The following RAB11FIP4 variants were observed in gnomAD, a reference collection of about 807,000 sequenced individuals.
RAB11FIP4 encodes RAB11 family interacting protein 4, also known as rab11 family-interacting protein 4.
Under a neutral mutation model 74.3 loss-of-function variants are expected in RAB11FIP4, and 23 were observed. That is an observed-to-expected ratio of 0.31 (90% CI 0.22 to 0.44). The LOEUF (loss-of-function observed/expected upper bound fraction) is 0.44. Ranked by LOEUF, RAB11FIP4 falls within the 20% of genes least tolerant of loss-of-function variation. The pLI is 1.00. For missense variants in RAB11FIP4, 630 were observed against 863.9 expected (o/e 0.73, Z 3.39); for synonymous variants, 360 against 359.9 (o/e 1.00, Z 0.00).
rs531427698 is a variant in RAB11FIP4 at position 31,454,223 on chromosome 17, T to C, written c.336+20101T>C. Among the ~76,000 whole-genome samples the C allele has an allele frequency of 1.6e-3, 245 of 152,310 alleles. 2 individuals are homozygous for C. Among genetic ancestry groups the C allele is most frequent in the Non-Finnish European group, 4.9e-4 (33 of 68,026 alleles). ...TCAACCAGATCATTGCTACATTCCA[T>C]TTCCTGACCAGGAAAATGAAAATGG... is the stretch of plus-strand genomic sequence containing the variant. On this transcript the variant is annotated intron_variant, in intron 3 of 14. Coordinates refer to ENST00000621161, the MANE Select transcript of RAB11FIP4 (RefSeq NM_032932.6).
At chr17:31,466,859 G>C (rs1214086856) in intron 3 of RAB11FIP4, among the ~76,000 whole-genome samples, 1 of 152,150 alleles carries the variant, frequency 6.6e-6, no homozygotes, top group Non-Finnish European at 1.5e-5. Flanking sequence ...ACCACCTTGA[G>C]TCTCAAAAGC....
intron 3 of RAB11FIP4, among the ~76,000 whole-genome samples, chr17:31,510,040 G>A (rs2072423706): frequency 6.6e-6 from 1 of 152,194 alleles, no homozygotes; most frequent in Admixed American, 6.5e-5. Flanking sequence ...GCAGGAGTCC[G>A]TTACAGCCAA....
At position 31,521,180 on chromosome 17, in the gene RAB11FIP4, C is replaced by A; in HGVS notation, c.578C>A (p.Thr193Asn). The stretch of plus-strand genomic sequence containing the variant: ...CGGACCCTCAGGTCCCTGGTCCACA[C>A]TCCATCCATGACGACCTCAGACCTT... ...FLPEDKSLVH[T>N]PSMTTSDLST... The change falls in exon 5 of 15, where the codon ACT (threonine) becomes AAT (asparagine). Residue 193 changes from threonine to asparagine, a missense_variant. By Grantham distance (65) the Thr-to-Asn change is moderately conservative. Coordinates refer to ENST00000621161, the MANE Select transcript of RAB11FIP4 (RefSeq NM_032932.6). 1.2e-6 allele frequency: 2 copies of A among 1,600,344 alleles called. No homozygotes were observed. The highest frequency in any genetic ancestry group is 1.7e-5 in the Admixed American group (1 of 59,174).
At chr17:31,406,421 G>C (rs1406102188) in intron 1 of RAB11FIP4, among the ~76,000 whole-genome samples, 2 of 152,124 alleles carry the variant, frequency 1.3e-5, no homozygotes, top group African/African-American at 4.8e-5. Flanking sequence ...CACTGGCTTT[G>C]GGCTTCTGGT....
chr17:31,459,052 C>G (rs895386213), intron 3 of RAB11FIP4, among the ~76,000 whole-genome samples: 1 of 152,134 alleles, frequency 6.6e-6, no homozygotes, highest in Non-Finnish European at 1.5e-5. Flanking sequence ...ACATGGTAGT[C>G]CTGATCTCAA....
chr17:31,503,849 C>A (rs2072267197), intron 3 of RAB11FIP4, among the ~76,000 whole-genome samples: 2 of 149,414 alleles, frequency 1.3e-5, no homozygotes, highest in Admixed American at 1.3e-4. Context: ...TAGAGCCAGA[C>A]CTGTCAGGAA....
In RAB11FIP4 at chr17:31,432,070, C is replaced by T. The variant is rs541579384; in HGVS notation, c.247+170C>T. Among the ~76,000 whole-genome samples the T allele has an allele frequency of 5.3e-5, 8 of 152,262 alleles. No homozygotes were observed. The East Asian group carries it at 1.5e-3, about 29-fold the overall frequency. On this transcript the variant is annotated intron_variant, in intron 2 of 14. Coordinates refer to ENST00000621161, the MANE Select transcript of RAB11FIP4 (RefSeq NM_032932.6). ...TTCCGGGGGGGCCAGAGGAGAAGGA[C>T]ACTGTTGCCCCAGCCGTGGGGGGCT...
intron 13 of RAB11FIP4, 45 bp from the exon 14 acceptor site, chr17:31,530,280 TG>T: frequency 1.2e-6 from 2 of 1,604,138 alleles, no homozygotes; most frequent in Non-Finnish European, 1.7e-6. Context: ...CAGTGGGCTG[TG>T]GATGCCTCTT....
chr17:31,447,373 G>A (rs1017381598), intron 3 of RAB11FIP4, among the ~76,000 whole-genome samples: 1 of 152,210 alleles, frequency 6.6e-6, no homozygotes, highest in Admixed American at 6.5e-5. Context: ...GCTGAGGCAG[G>A]AGGATTGCTT....
chr17:31,403,752 G>A (rs1306174594), intron 1 of RAB11FIP4, among the ~76,000 whole-genome samples: 1 of 152,236 alleles, frequency 6.6e-6, no homozygotes, highest in East Asian at 1.9e-4. Flanking sequence ...AGGTTCTAAA[G>A]CTGCCTTTTT....
intron 3 of RAB11FIP4, among the ~76,000 whole-genome samples, chr17:31,480,793 C>CAAAAAAAAAAA (rs36097331): frequency 5.3e-4 from 39 of 73,764 alleles, no homozygotes; most frequent in Non-Finnish European, 7.6e-4. Flanking sequence ...GACTCCGTCT[C>CAAAAAAAAAAA]AAAAAAAAAA....
intron 3 of RAB11FIP4, among the ~76,000 whole-genome samples, chr17:31,468,527 C>T (rs2071707143): frequency 6.6e-6 from 1 of 152,126 alleles, no homozygotes; most frequent in Non-Finnish European, 1.5e-5. Flanking sequence ...ATGTAGAGCC[C>T]TTTTTAAGGT....
Position 31,532,985 on chromosome 17 carries a change from C to A in RAB11FIP4, c.*1253C>A, listed in dbSNP as rs2072897535. The A allele has an allele frequency of 6.6e-6, 1 of 152,162 alleles. No individual in the cohort carries two copies. Among genetic ancestry groups the A allele is most frequent in the Non-Finnish European group, 1.5e-5 (1 of 68,032 alleles). The allele number at this position is 152,162 out of a possible 1,614,324, so 9.4% of individuals were successfully genotyped here. On this transcript the variant is annotated 3_prime_UTR_variant, in exon 15 of 15. Coordinates refer to ENST00000621161, the MANE Select transcript of RAB11FIP4 (RefSeq NM_032932.6). ...CTTACCTTAGAGTTTTCCAATTTAT[C>A]TCAATTTTATATGGCTTGTGATTCA...
At chr17:31,519,898 A>C (rs2072630173) in intron 4 of RAB11FIP4, among the ~76,000 whole-genome samples, 1 of 151,984 alleles carries the variant, frequency 6.6e-6, no homozygotes, top group Admixed American at 6.6e-5. Flanking sequence ...AGATCACCTG[A>C]GGCCAGGAGT....
At chr17:31,507,483 T>A (rs1167514652) in intron 3 of RAB11FIP4, among the ~76,000 whole-genome samples, 1 of 152,220 alleles carries the variant, frequency 6.6e-6, no homozygotes, top group East Asian at 1.9e-4. Context: ...CTTGGCCATT[T>A]GTGTGTTGTC....
At chr17:31,435,262 G>A (rs1275845913) in intron 3 of RAB11FIP4, among the ~76,000 whole-genome samples, 1 of 152,164 alleles carries the variant, frequency 6.6e-6, no homozygotes, top group African/African-American at 2.4e-5. Flanking sequence ...TAGGTGGGAA[G>A]GTGAGAAAGT....
chr17:31,425,837 G>A lies in RAB11FIP4; in HGVS notation c.160-5976G>A, dbSNP rs1450187049. ...CCAGGGCTGCCCAGCCACGCATGGT[G>A]TGTGCCCCAGGGTGGGGGCGGCCCC... On this transcript the variant is annotated intron_variant, in intron 1 of 14. Coordinates refer to ENST00000621161, the MANE Select transcript of RAB11FIP4 (RefSeq NM_032932.6). Among the ~76,000 whole-genome samples, 9 of 152,204 alleles carry A rather than the reference G, an allele frequency of 5.9e-5. No individual in the cohort carries two copies. In the East Asian group the frequency reaches 1.7e-3, roughly 29 times the overall value.
In RAB11FIP4 at chr17:31,436,000, C is replaced by T. The variant is rs144831451; in HGVS notation, c.336+1878C>T. ...ATGTATTTGGGGCCAGCTAATGGAA[C>T]CAGGATTAGGAAAGAGGACCTCCAC... On this transcript the variant is annotated intron_variant, in intron 3 of 14. Coordinates refer to ENST00000621161, the MANE Select transcript of RAB11FIP4 (RefSeq NM_032932.6). Among the ~76,000 whole-genome samples, 463 of 152,314 alleles carry T rather than the reference C, an allele frequency of 3.0e-3. 5 individuals are homozygous for T. Among genetic ancestry groups the T allele is most frequent in the African/African-American group, 0.011 (441 of 41,576 alleles).
chr17:31,438,015 A>C (rs1469952912), intron 3 of RAB11FIP4, among the ~76,000 whole-genome samples: 1 of 152,128 alleles, frequency 6.6e-6, no homozygotes, highest in Non-Finnish European at 1.5e-5. Flanking sequence ...CAGGCTGTTG[A>C]GAGAGTTTCC....
Sources: allele counts gnomAD v4.1 joint callset (sites outside exome capture counted in the v4.1 genomes callset), GRCh38; gene constraint gnomAD v4.1.1; transcripts MANE v1.5; gene names NCBI Gene and HGNC (gene_info 2026-07-23, HGNC 2026-07-21).